The following SGCZ variants were observed in gnomAD, a reference collection of about 807,000 sequenced individuals.
SGCZ encodes sarcoglycan zeta.
Under a neutral mutation model 41.3 loss-of-function variants are expected in SGCZ, and 40 were observed. The ratio of observed to expected loss-of-function variants is 0.97; its 90% CI spans 0.75 to 1.26. SGCZ has a LOEUF of 1.26. Among genes scored for constraint, SGCZ ranks in the 50% most tolerant of loss-of-function variants. The pLI is 0.00. For missense variants in SGCZ, 552 were observed against 369.8 expected, an observed-to-expected ratio of 1.49 and a Z score of -4.04; for synonymous variants, 206 against 137.5, an observed-to-expected ratio of 1.50 and a Z score of -3.49.
chr8:14,491,551 A>G (rs1801843270), intron 2 of SGCZ, among the ~76,000 whole-genome samples: 1 of 152,212 alleles, frequency 6.6e-6, no homozygotes, highest in African/African-American at 2.4e-5. Flanking sequence ...AAGATCCTAA[A>G]AAACACAAGT....
chr8:14,410,289 G>T (rs960090252), intron 2 of SGCZ, among the ~76,000 whole-genome samples: 4 of 151,826 alleles, frequency 2.6e-5, no homozygotes, highest in African/African-American at 9.7e-5. Flanking sequence ...AAAAGTTGGG[G>T]ACTGCTGAAT....
rs184902592 is a variant in SGCZ at position 14,210,110 on chromosome 8, C to T, written c.424+27482G>A. On this transcript the variant is annotated intron_variant, in intron 4 of 7. Transcript: ENST00000382080. ...TCTCACTCTGTCGCCCAGACTGGAA[C>T]GCAGTTGTGTGATCCTGGCTCACAG... is the stretch of plus-strand genomic sequence containing the variant. 1.6e-3 allele frequency among the ~76,000 whole-genome samples: 236 copies of T among 152,156 alleles called. 2 individuals are homozygous for T. Among genetic ancestry groups the T allele is most frequent in the African/African-American group, 5.4e-3 (225 of 41,512 alleles).
At chr8:14,755,734 T>G (rs1465447428) in intron 1 of SGCZ, among the ~76,000 whole-genome samples, 1 of 152,178 alleles carries the variant, frequency 6.6e-6, no homozygotes, top group African/African-American at 2.4e-5. Context: ...CTGTGCTAAG[T>G]GCCCTGATTG....
At chr8:14,529,921 G>C (rs1172654730) in intron 2 of SGCZ, among the ~76,000 whole-genome samples, 3 of 152,014 alleles carry the variant, frequency 2.0e-5, no homozygotes, top group African/African-American at 7.2e-5. Context: ...GGATCCATTT[G>C]AGTTTATCAG....
At chr8:15,197,465 TA>T (rs773372688) in intron 1 of SGCZ, among the ~76,000 whole-genome samples, 1 of 151,978 alleles carries the variant, frequency 6.6e-6, no homozygotes, top group Non-Finnish European at 1.5e-5. Flanking sequence ...ATCATGAAAA[TA>T]AGAAGGTGGT....
intron 1 of SGCZ, among the ~76,000 whole-genome samples, chr8:14,965,027 T>C (rs1801087126): frequency 6.6e-6 from 1 of 152,120 alleles, no homozygotes; most frequent in Admixed American, 6.5e-5. Context: ...GACTCATTTG[T>C]GTCCCCCATT....
At position 14,386,157 on chromosome 8, in the gene SGCZ, T is replaced by C. The variant is rs367856867; in HGVS notation, c.235-61953A>G. On this transcript the variant is annotated intron_variant, in intron 2 of 7. Transcript: ENST00000382080. ...TACAGAGGCCCAACCATATTACACT[T>C]GCATTTCTCAGGAAAGTGAAGGGAG... Among the ~76,000 whole-genome samples, 6 of 152,124 alleles carry C rather than the reference T, an allele frequency of 3.9e-5. No homozygotes were observed. The East Asian group carries it at 1.2e-3, about 29-fold the overall frequency.
Position 14,086,986 on chromosome 8 carries a change from T to C in SGCZ, c.*3457A>G, listed in dbSNP as rs1336050001. Among the ~76,000 whole-genome samples, 1 of 151,670 alleles carries C rather than the reference T, an allele frequency of 6.6e-6. No homozygotes were observed. Among genetic ancestry groups the C allele is most frequent in the Admixed American group, 6.6e-5 (1 of 15,178 alleles). ...ACTGTGACCAACGTAATTAAATATA[T>C]GTCTTAAGTAGGTAAGTTCACATGA... On this transcript the variant is annotated 3_prime_UTR_variant, in exon 8 of 8. Transcript: ENST00000382080.
At chr8:14,891,190 C>T (rs1805001788) in intron 1 of SGCZ, among the ~76,000 whole-genome samples, 1 of 152,146 alleles carries the variant, frequency 6.6e-6, no homozygotes, top group Admixed American at 6.5e-5. Flanking sequence ...TTTTGTAAGG[C>T]TATAGTTGTC....
chr8:14,089,551 C>G lies in SGCZ; in HGVS notation c.*892G>C, dbSNP rs1801622577. Reference sequence around the variant, plus strand: ...CAAACAAAAATTATACTATTAAAACCTAGGTGTAAAGGATAGCATGTGAAT... The same window carrying G: ...CAAACAAAAATTATACTATTAAAACGTAGGTGTAAAGGATAGCATGTGAAT... On this transcript the variant is annotated 3_prime_UTR_variant, in exon 8 of 8. Transcript: ENST00000382080. 6.6e-6 allele frequency among the ~76,000 whole-genome samples: 1 copy of G among 151,876 alleles called. No homozygotes were observed. The highest frequency in any genetic ancestry group is 1.5e-5 in the Non-Finnish European group (1 of 67,916).
intron 1 of SGCZ, among the ~76,000 whole-genome samples, chr8:14,887,570 A>G (rs1804857158): frequency 6.6e-6 from 1 of 152,220 alleles, no homozygotes; most frequent in Non-Finnish European, 1.5e-5. Flanking sequence ...ATCTATACAC[A>G]TACATAGCTA....
At position 14,895,515 on chromosome 8, in the gene SGCZ, C is replaced by T. The variant is rs897435993; in HGVS notation, c.40-340589G>A. ...AGATGAGATTAAAGCCTTATTATAACATTCCCCACTCCCCCCAAATCCATA... is the reference window on the plus strand; with the variant it reads ...AGATGAGATTAAAGCCTTATTATAATATTCCCCACTCCCCCCAAATCCATA... On this transcript the variant is annotated intron_variant, in intron 1 of 7. Transcript: ENST00000382080. 6.6e-5 allele frequency among the ~76,000 whole-genome samples: 10 copies of T among 152,202 alleles called. No homozygotes were observed. The Middle Eastern group carries it at 0.014, about 207-fold the overall frequency.
intron 1 of SGCZ, among the ~76,000 whole-genome samples, chr8:14,600,106 A>G (rs192027540): frequency 1.3e-5 from 2 of 152,216 alleles, no homozygotes; most frequent in East Asian, 3.9e-4. Context: ...TAGTAGTAGC[A>G]TTTAACCCAG....
At chr8:14,940,313 T>A (rs1016043411) in intron 1 of SGCZ, among the ~76,000 whole-genome samples, 1 of 152,084 alleles carries the variant, frequency 6.6e-6, no homozygotes, top group African/African-American at 2.4e-5. Flanking sequence ...TTGCCATCCA[T>A]CTAATGCATT....
chr8:14,835,016 A>G (rs1172940072), intron 1 of SGCZ, among the ~76,000 whole-genome samples: 1 of 152,244 alleles, frequency 6.6e-6, no homozygotes, highest in Admixed American at 6.5e-5. Context: ...CCACCTCTAC[A>G]GATGGTCCTG....
intron 1 of SGCZ, among the ~76,000 whole-genome samples, chr8:14,557,690 C>T (rs1291382265): frequency 6.6e-6 from 1 of 151,932 alleles, no homozygotes; most frequent in African/African-American, 2.4e-5. Context: ...GTGTCCTTTC[C>T]CTACTTCGTG....
chr8:14,171,502 A>C (rs1804380593), intron 4 of SGCZ, among the ~76,000 whole-genome samples: 1 of 152,034 alleles, frequency 6.6e-6, no homozygotes, highest in African/African-American at 2.4e-5. Context: ...AATTCAGTAC[A>C]AGTTCCACAT....
At chr8:14,435,535 G>A (rs892134942) in intron 2 of SGCZ, among the ~76,000 whole-genome samples, 3 of 152,090 alleles carry the variant, frequency 2.0e-5, no homozygotes, top group African/African-American at 7.2e-5. Flanking sequence ...TGAGATCAAT[G>A]GAAATTTTTT....
At chr8:14,346,866 G>C (rs1802906681) in intron 2 of SGCZ, among the ~76,000 whole-genome samples, 2 of 151,836 alleles carry the variant, frequency 1.3e-5, no homozygotes, top group Non-Finnish European at 2.9e-5. Context: ...ATAAAGTTTA[G>C]GGCGTTTCCT....
Sources: gnomAD v4.1 joint callset for allele counts (sites outside exome capture counted in the v4.1 genomes callset) on GRCh38, gnomAD v4.1.1 for gene constraint, MANE v1.5 for transcripts, NCBI Gene and HGNC (gene_info 2026-07-23, HGNC 2026-07-21) for gene names.